The following LZIC variants were observed in gnomAD, a reference collection of about 807,000 sequenced individuals.
LZIC encodes the protein leucine zipper and CTNNBIP1 domain containing.
In LZIC, 28 loss-of-function variants were observed where a neutral mutation model predicts 25.4. That is an observed-to-expected ratio of 1.10 (90% confidence interval 0.82 to 1.51). The LOEUF (loss-of-function observed/expected upper bound fraction) is 1.51, where lower values mean the gene tolerates loss of function less well. Ranked by LOEUF, LZIC falls within the 40% of genes most tolerant of loss-of-function variation. The pLI is 0.00. For synonymous variants in LZIC, 65 were observed against 70.7 expected (o/e 0.92, Z 0.40); for missense variants, 170 against 211.1 (o/e 0.81, Z 1.21).
In LZIC at chr1:9,935,484, A is replaced by G. The variant is rs752316075; in HGVS notation, c.237+8T>C. ...GTCTGTCCTCTGTCGCCTATATGTT[A>G]TACTTACCAGCTGCATTCCACTTAG... On this transcript the variant is annotated splice_region_variant and intron_variant, in intron 4 of 7. Coordinates refer to ENST00000377223, the MANE Select transcript of LZIC (RefSeq NM_032368.5). The G allele has an allele frequency of 3.1e-6, 5 of 1,597,056 alleles. No individual in the cohort carries two copies. In the South Asian group the frequency reaches 5.7e-5, roughly 18 times the overall value.
chr1:9,939,666 C>A (rs949194671), intron 2 of LZIC, among the ~76,000 whole-genome samples: 1 of 148,272 alleles, frequency 6.7e-6, no homozygotes, highest in African/African-American at 2.5e-5. Flanking sequence ...GGCAACATTT[C>A]TTGCTATTTA....
At chr1:9,938,841 T>C (rs1457112330) in intron 2 of LZIC, among the ~76,000 whole-genome samples, 2 of 152,336 alleles carry the variant, frequency 1.3e-5, no homozygotes, top group East Asian at 3.9e-4. Flanking sequence ...TCAAGACTTT[T>C]ACAAATTTTT....
intron 2 of LZIC, among the ~76,000 whole-genome samples, chr1:9,936,842 C>T (rs1041563586): frequency 2.0e-5 from 3 of 152,224 alleles, no homozygotes; most frequent in Non-Finnish European, 4.4e-5. Context: ...TAAAAATATG[C>T]AGCTGCGGCC....
At position 9,936,561 on chromosome 1, in the gene LZIC, A is replaced by G. The variant is rs1640466721; in HGVS notation, c.59T>C (p.Leu20Ser). ...SKLKQNLEEQ[L>S]DRLMQQLQDL... ...TTGTAATTGTTGCATGAGTCTATCC[A>G]ACTGTTCTTCTAAATTCTGCTTTAA... Residue 20 changes from leucine (L) to serine (S), a missense_variant, in exon 3 of 8, where the codon TTG (leucine) becomes TCG (serine). By Grantham distance (145) the Leu-to-Ser change is moderately radical (BLOSUM62 -2). Transcript: ENST00000377223. The G allele has an allele frequency of 6.2e-7, 1 of 1,613,744 alleles. No homozygotes were observed. Among genetic ancestry groups the G allele is most frequent in the Non-Finnish European group, 8.5e-7 (1 of 1,179,640 alleles).
chr1:9,930,221 C>A lies in LZIC; in HGVS notation c.*178G>T. 1 of 1,458,886 alleles carries A rather than the reference C, an allele frequency of 6.9e-7. No homozygotes were observed. Among genetic ancestry groups the A allele is most frequent in the South Asian group, 1.5e-5 (1 of 66,290 alleles). 90.4% of individuals were successfully genotyped at this position (1,458,886 alleles called of 1,614,324 possible). A position where few individuals can be genotyped will look rare whatever the true frequency, so the allele number is the denominator to read the frequency against. On this transcript the variant is annotated 3_prime_UTR_variant, in exon 8 of 8. Coordinates refer to ENST00000377223, the MANE Select transcript of LZIC (RefSeq NM_032368.5). ...GATCACTCAAGCAGGTAACCGCACA[C>A]AACGCACAATGATGAAGAGCATAAA...
chr1:9,936,500 C>A lies in LZIC; in HGVS notation c.101+19G>T. ...AAAACGCCAGTTTCCAGCATAACAA[C>A]ATACAATTAAACTCTTACCTGCATT... On this transcript the variant is annotated intron_variant, in intron 3 of 7. Coordinates refer to ENST00000377223, the MANE Select transcript of LZIC (RefSeq NM_032368.5). 1 of 1,559,048 alleles carries A rather than the reference C, an allele frequency of 6.4e-7. No individual in the cohort carries two copies.
At chr1:9,940,962 CAG>C (rs1640697391) in intron 2 of LZIC, among the ~76,000 whole-genome samples, 2 of 152,140 alleles carry the variant, frequency 1.3e-5, no homozygotes. Context: ...AATGTCTTTT[CAG>C]AGTTAGTTTC....
intron 2 of LZIC, among the ~76,000 whole-genome samples, chr1:9,937,755 AGAGGACTGCTT>A (rs1219440822): frequency 2.1e-5 from 3 of 141,502 alleles, no homozygotes; most frequent in Non-Finnish European, 4.6e-5. Context: ...GGCTTAGGTG[AGAGGACTGCTT>A]GAGCCCAGGA....
chr1:9,938,102 CATT>C (rs1409086704), intron 2 of LZIC, among the ~76,000 whole-genome samples: 1 of 151,842 alleles, frequency 6.6e-6, no homozygotes, highest in Non-Finnish European at 1.5e-5. Context: ...TAAAATGAAT[CATT>C]ATAGCCCCAA....
intron 2 of LZIC, among the ~76,000 whole-genome samples, chr1:9,938,071 A>C (rs1640540146): frequency 6.6e-6 from 1 of 152,054 alleles, no homozygotes; most frequent in African/African-American, 2.4e-5. Flanking sequence ...ATATATGTAG[A>C]TCAAATGTGA....
chr1:9,922,438 A>C (rs1318403724), downstream of LZIC: 1 of 505,586 alleles, frequency 2.0e-6, no homozygotes, highest in Non-Finnish European at 2.5e-6. Context: ...CTTTGGCAAT[A>C]TCCTAGATTG....
Position 9,929,321 on chromosome 1 carries a change from A to C in LZIC, c.*1078T>G. 1 of 985,050 alleles carries C rather than the reference A, an allele frequency of 1.0e-6. No individual in the cohort carries two copies. Among genetic ancestry groups the C allele is most frequent in the African/African-American group, 1.7e-5 (1 of 57,358 alleles). The allele number at this position is 985,050 out of a possible 1,614,324, so 61.0% of individuals were successfully genotyped here. A position where few individuals can be genotyped will look rare whatever the true frequency, so the allele number is the denominator to read the frequency against. On this transcript the variant is annotated 3_prime_UTR_variant, in exon 8 of 8. Coordinates refer to ENST00000377223, the MANE Select transcript of LZIC (RefSeq NM_032368.5). ...TTTTAATTTGTATAAAGTGCAAAGA[A>C]AAAGAATATTGAGAAGCACATGAAA...
chr1:9,934,649 T>A, intron 5 of LZIC, 113 bp downstream of exon 5: 4 of 804,338 alleles, frequency 5.0e-6, no homozygotes, highest in Non-Finnish European at 6.3e-6. Context: ...CAGAAAATTG[T>A]TAGTTGTGGC....
intron 2 of LZIC, among the ~76,000 whole-genome samples, chr1:9,940,120 A>T (rs1354048537): frequency 6.6e-6 from 1 of 151,322 alleles, no homozygotes; most frequent in Non-Finnish European, 1.5e-5. Context: ...CTCCTACTCA[A>T]AAAAAAACAA....
intron 1 of LZIC, 66 bp from the exon 2 acceptor site, chr1:9,942,848 C>G: frequency 2.2e-6 from 1 of 456,120 alleles, no homozygotes; most frequent in South Asian, 1.7e-5. Context: ...CTAAGGCAGT[C>G]CAGATAACTT....
Position 9,927,332 on chromosome 1 carries a change from G to A in LZIC, c.*3067C>T, listed in dbSNP as rs1640017000. ...ACTCTCTTTATCTTTTTTTTAGACA[G>A]GGGTCTCACTTTGTCAGCCAGTACA... On this transcript the variant is annotated 3_prime_UTR_variant, in exon 8 of 8. Coordinates refer to ENST00000377223, the MANE Select transcript of LZIC (RefSeq NM_032368.5). Among the ~76,000 whole-genome samples the A allele has an allele frequency of 1.3e-5, 2 of 152,182 alleles. No individual in the cohort carries two copies. The highest frequency in any genetic ancestry group is 4.8e-5 in the African/African-American group (2 of 41,536).
chr1:9,935,423 A>G, intron 4 of LZIC, 69 bp downstream of exon 4: 3 of 1,500,502 alleles, frequency 2.0e-6, no homozygotes, highest in Non-Finnish European at 1.8e-6. Context: ...GTAAGAATGC[A>G]TCTCAAACAA....
At chr1:9,934,881 AAACT>A in intron 4 of LZIC, 21 bp from the exon 5 acceptor site, 1 of 1,540,712 alleles carries the variant, frequency 6.5e-7, no homozygotes, top group Non-Finnish European at 9.0e-7. Flanking sequence ...AAGAAGGCAA[AAACT>A]AACCAAAATA....
downstream of LZIC, among the ~76,000 whole-genome samples, chr1:9,922,648 C>T (rs1018408969): frequency 6.6e-6 from 1 of 152,216 alleles, no homozygotes; most frequent in African/African-American, 2.4e-5. Context: ...ATAGACAGAA[C>T]AGAAAGAGGC....
Sources: gnomAD v4.1 joint callset for allele counts (sites outside exome capture counted in the v4.1 genomes callset) on GRCh38, gnomAD v4.1.1 for gene constraint, MANE v1.5 for transcripts, NCBI Gene and HGNC (gene_info 2026-07-23, HGNC 2026-07-21) for gene names.